PPP1R12A: variants seen among roughly 807,000 people sequenced by gnomAD.
The protein encoded by PPP1R12A is protein phosphatase 1 regulatory subunit 12A, also known as myosin binding subunit.
PPP1R12A carries 19 observed loss-of-function variants against 139.6 expected under a neutral mutation model. The observed-to-expected ratio is 0.14, with a 90% CI of 0.09 to 0.20. PPP1R12A has a LOEUF of 0.20. Among genes scored for constraint, PPP1R12A ranks in the 10% least tolerant of loss-of-function variants. PPP1R12A has a pLI of 1.00. For missense variants in PPP1R12A, 925 were observed against 1,211.5 expected (o/e 0.76, Z 3.51); for synonymous variants, 427 against 420.6 (o/e 1.02, Z -0.19).
chr12:79,870,336 G>A (rs771471981), intron 2 of PPP1R12A, among the ~76,000 whole-genome samples: 30 of 151,876 alleles, frequency 2.0e-4, no homozygotes, highest in Non-Finnish European at 1.0e-4. Context: ...GGCTGGTCTC[G>A]AACTCCTGAG....
Position 79,774,104 on chromosome 12 carries a change from A to C in PPP1R12A, c.*1825T>G, listed in dbSNP as rs191976315. ...CTGTTGTGCAACCAGAACATGTTGC[A>C]GTCACTCAAACTGATCAGTTATCTG... On this transcript the variant is annotated 3_prime_UTR_variant, in exon 25 of 25. Transcript: ENST00000450142. 6.6e-6 allele frequency: 1 copy of C among 152,300 alleles called. No homozygotes were observed. Among genetic ancestry groups the C allele is most frequent in the Non-Finnish European group, 1.5e-5 (1 of 68,002 alleles). The allele number at this position is 152,300 out of a possible 1,614,324, so 9.4% of individuals were successfully genotyped here.
At chr12:79,885,424 C>T (rs1053056054) in intron 1 of PPP1R12A, among the ~76,000 whole-genome samples, 10 of 152,112 alleles carry the variant, frequency 6.6e-5, no homozygotes, top group Non-Finnish European at 1.5e-4. Flanking sequence ...TTCTAGAATG[C>T]ATTTTTATCC....
chr12:79,823,928 T>C (rs1876453189), intron 5 of PPP1R12A: 1 of 152,170 alleles, frequency 6.6e-6, no homozygotes, highest in Admixed American at 6.5e-5. Context: ...ATACTGCTTT[T>C]TCAAAATAGG....
intron 1 of PPP1R12A, among the ~76,000 whole-genome samples, chr12:79,897,506 C>T (rs1885239976): frequency 6.6e-6 from 1 of 151,878 alleles, no homozygotes; most frequent in Non-Finnish European, 1.5e-5. Context: ...TGCACATGTA[C>T]CCTCTAAATC....
At position 79,786,408 on chromosome 12, in the gene PPP1R12A, G is replaced by A. The variant is rs1871138471; in HGVS notation, c.2873C>T (p.Thr958Ile). ...AQLHDTNMEL[T>I]DLKLQLEKAT... ...CTTTTCCAACTGTAATTTAAGATCT[G>A]TTAGTTCCATATTTGTATCATGTAG... Residue 958 changes from threonine (T) to isoleucine (I), a missense_variant, in exon 22 of 25, where the codon ACA (threonine) becomes ATA (isoleucine). Physicochemically the swap from Thr to Ile is moderately conservative, Grantham distance 89 (BLOSUM62 -1). Around this residue, in one of 4 missense-constraint regions of PPP1R12A, gnomAD observed 315 missense variants for 363.4 expected, o/e 0.87. Coordinates refer to ENST00000450142, the MANE Select transcript of PPP1R12A (RefSeq NM_002480.3). 1 of 1,559,944 alleles carries A rather than the reference G, an allele frequency of 6.4e-7. No individual in the cohort carries two copies. The highest frequency in any genetic ancestry group is 8.7e-7 in the Non-Finnish European group (1 of 1,151,652).
intron 3 of PPP1R12A, among the ~76,000 whole-genome samples, chr12:79,844,837 C>A (rs973182120): frequency 5.3e-5 from 8 of 152,174 alleles, no homozygotes; most frequent in African/African-American, 1.9e-4. Flanking sequence ...TGCTTCTCTG[C>A]ATATACAAGA....
intron 19 of PPP1R12A, among the ~76,000 whole-genome samples, 177 bp from the exon 20 acceptor site, chr12:79,790,660 C>T (rs573728668): frequency 6.6e-6 from 1 of 152,188 alleles, no homozygotes; most frequent in East Asian, 1.9e-4. Flanking sequence ...TTCTCGAAAT[C>T]TAGCTATATA....
intron 19 of PPP1R12A, 162 bp downstream of exon 19, chr12:79,793,701 C>A: frequency 1.8e-6 from 1 of 547,040 alleles, no homozygotes; most frequent in Non-Finnish European, 3.1e-6. Flanking sequence ...CCTTCCCAGT[C>A]CTTTTAATCC....
intron 5 of PPP1R12A, among the ~76,000 whole-genome samples, chr12:79,826,476 T>G (rs1876788237): frequency 1.3e-5 from 2 of 151,742 alleles, no homozygotes. Context: ...GTAGCTGGGA[T>G]TACAGGTGCA....
chr12:79,788,822 G>A lies in PPP1R12A; in HGVS notation c.2667-39C>T, dbSNP rs1180334539. 3 of 1,512,716 alleles carry A rather than the reference G, an allele frequency of 2.0e-6. No homozygotes were observed. The African/African-American group carries it at 4.2e-5, about 21-fold the overall frequency. The allele number at this position is 1,512,716 out of a possible 1,614,324, so 93.7% of individuals were successfully genotyped here. A position where few individuals can be genotyped will look rare whatever the true frequency, so the allele number is the denominator to read the frequency against. On this transcript the variant is annotated intron_variant, in intron 20 of 24. Coordinates refer to ENST00000450142, the MANE Select transcript of PPP1R12A (RefSeq NM_002480.3). ...ATTTAAATAAAAAACCTTGTTATAGGCTTTTACAATTATAACAACATACAT... is the reference window on the plus strand; with the variant it reads ...ATTTAAATAAAAAACCTTGTTATAGACTTTTACAATTATAACAACATACAT...
chr12:79,908,549 G>A (rs1886310450), intron 1 of PPP1R12A, among the ~76,000 whole-genome samples: 1 of 152,138 alleles, frequency 6.6e-6, no homozygotes, highest in Non-Finnish European at 1.5e-5. Flanking sequence ...AGTAATGGAA[G>A]AAATGACTTA....
At chr12:79,850,685 G>GT (rs1879937944) in intron 2 of PPP1R12A, among the ~76,000 whole-genome samples, 1 of 152,152 alleles carries the variant, frequency 6.6e-6, no homozygotes, top group Non-Finnish European at 1.5e-5. Flanking sequence ...GCATTTCTTA[G>GT]TGTTGCAGCT....
chr12:79,817,413 G>C lies in PPP1R12A; in HGVS notation c.1220C>G (p.Pro407Arg), dbSNP rs1451820727. ...TPTVSSGQATPTSPIKKFPTT... is the reference protein window; with the variant it reads ...TPTVSSGQATRTSPIKKFPTT... ...GCTTACCTTTTTAATAGGTGATGTA[G>C]GTGTTGCTTGACCTGATGACACAGT... Residue 407 changes from proline to arginine, a missense_variant, in exon 9 of 25, where the codon CCT becomes CGT. Coordinates refer to ENST00000450142, the MANE Select transcript of PPP1R12A (RefSeq NM_002480.3). The C allele has an allele frequency of 6.2e-7, 1 of 1,611,862 alleles. No individual in the cohort carries two copies. Among genetic ancestry groups the C allele is most frequent in the Non-Finnish European group, 8.5e-7 (1 of 1,178,746 alleles).
chr12:79,815,750 C>G (rs1875292078), intron 9 of PPP1R12A, among the ~76,000 whole-genome samples: 1 of 152,078 alleles, frequency 6.6e-6, no homozygotes, highest in South Asian at 2.1e-4. Flanking sequence ...AGACAAACTG[C>G]TTTTAGAGAA....
At chr12:79,791,251 T>A (rs996158637) in intron 19 of PPP1R12A, among the ~76,000 whole-genome samples, 1 of 152,220 alleles carries the variant, frequency 6.6e-6, no homozygotes, top group African/African-American at 2.4e-5. Context: ...ATTCACTGAT[T>A]TAAATTTTAA....
chr12:79,776,726 G>C (rs577021499), intron 24 of PPP1R12A, among the ~76,000 whole-genome samples: 19 of 152,036 alleles, frequency 1.2e-4, no homozygotes, highest in Non-Finnish European at 2.8e-4. Context: ...TTGTTTTACA[G>C]ACAAATTGAT....
intron 3 of PPP1R12A, among the ~76,000 whole-genome samples, chr12:79,840,957 T>TC (rs1023402130): frequency 6.6e-6 from 1 of 151,216 alleles, no homozygotes; most frequent in Non-Finnish European, 1.5e-5. Context: ...CTCCTACAAA[T>TC]CCCGCCCTGA....
At chr12:79,793,189 A>G (rs1872104123) in intron 19 of PPP1R12A, among the ~76,000 whole-genome samples, 1 of 152,160 alleles carries the variant, frequency 6.6e-6, no homozygotes, top group Non-Finnish European at 1.5e-5. Context: ...AATATTTTGA[A>G]TATTTTTTAG....
At chr12:79,846,113 T>C (rs1390472522) in intron 2 of PPP1R12A, among the ~76,000 whole-genome samples, 3 of 149,462 alleles carry the variant, frequency 2.0e-5, no homozygotes, top group Admixed American at 6.6e-5. Context: ...ATCATTATTT[T>C]AAAATTAGCT....
Sources: gnomAD v4.1 joint callset for allele counts (sites outside exome capture counted in the v4.1 genomes callset) on GRCh38, gnomAD v4.1.1 for gene constraint, gnomAD v4.1.1 regional missense constraint, MANE v1.5 for transcripts, NCBI Gene and HGNC (gene_info 2026-07-23, HGNC 2026-07-21) for gene names.